The following ATAD2B variants were observed in gnomAD, a reference collection of about 807,000 sequenced individuals.
The protein encoded by ATAD2B is ATPase family AAA domain containing 2B, also known as ATPase family AAA domain-containing protein 2B.
ATAD2B carries 40 observed loss-of-function variants against 167.6 expected under a neutral mutation model. The observed-to-expected ratio is 0.24, with a 90% confidence interval of 0.19 to 0.31. ATAD2B has a LOEUF of 0.31. Among genes scored for constraint, ATAD2B ranks in the 10% least tolerant of loss-of-function variants. The probability of loss-of-function intolerance (pLI) is 1.00; values close to 1 mark genes in which losing one functional copy is unlikely to be tolerated. For missense variants in ATAD2B, 1,242 were observed against 1,757.2 expected, an observed-to-expected ratio of 0.71 and a Z score of 5.24; for synonymous variants, 579 against 596.5, an observed-to-expected ratio of 0.97 and a Z score of 0.43.
chr2:23,891,108 T>C (rs1699418498), intron 2 of ATAD2B, among the ~76,000 whole-genome samples: 1 of 149,206 alleles, frequency 6.7e-6, no homozygotes, highest in Non-Finnish European at 1.5e-5. Flanking sequence ...GCAACCACCA[T>C]CTCCCGGGTT....
the ATAD2B span, among the ~76,000 whole-genome samples, chr2:23,692,982 G>C: frequency 6.6e-6 from 1 of 152,166 alleles, no homozygotes; most frequent in Admixed American, 6.5e-5. Flanking sequence ...CCCAGGCTCT[G>C]AGCAGGGCTC....
At chr2:23,925,005 T>C (rs1704504438) in intron 1 of ATAD2B, among the ~76,000 whole-genome samples, 1 of 152,188 alleles carries the variant, frequency 6.6e-6, no homozygotes, top group Non-Finnish European at 1.5e-5. Context: ...GACTAGGCAT[T>C]CACATAGCAT....
chr2:23,686,627 C>T, the ATAD2B span, among the ~76,000 whole-genome samples: 1 of 152,052 alleles, frequency 6.6e-6, no homozygotes, highest in Non-Finnish European at 1.5e-5. Flanking sequence ...GGGAGGAGAG[C>T]AGGTCCACAG....
chr2:23,744,662 CAT>C (rs1204075184), downstream of ATAD2B, among the ~76,000 whole-genome samples: 2 of 152,254 alleles, frequency 1.3e-5, no homozygotes, highest in Admixed American at 6.5e-5. Flanking sequence ...TAATTTGTCA[CAT>C]GTTGCATAGC....
chr2:23,713,569 C>T, the ATAD2B span, among the ~76,000 whole-genome samples: 1 of 152,126 alleles, frequency 6.6e-6, no homozygotes, highest in Non-Finnish European at 1.5e-5. Flanking sequence ...GCATACTCCC[C>T]ATTCTCCCCA....
At chr2:23,776,668 T>C (rs528690796) in intron 22 of ATAD2B, among the ~76,000 whole-genome samples, 61 of 152,270 alleles carry the variant, frequency 4.0e-4, no homozygotes, top group Non-Finnish European at 5.4e-4. Flanking sequence ...TAGTGTCTTC[T>C]CCTCTGTGCT....
intron 13 of ATAD2B, among the ~76,000 whole-genome samples, chr2:23,844,323 A>G (rs1194023938): frequency 6.6e-6 from 1 of 152,090 alleles, no homozygotes; most frequent in Non-Finnish European, 1.5e-5. Flanking sequence ...AAAAAAACAC[A>G]CAACAAAACC....
At chr2:23,883,053 T>G (rs1698183270) in intron 6 of ATAD2B, among the ~76,000 whole-genome samples, 1 of 151,846 alleles carries the variant, frequency 6.6e-6, no homozygotes, top group Admixed American at 6.6e-5. Flanking sequence ...GCAGGAAGAC[T>G]ATTTGAGCTC....
intron 24 of ATAD2B, among the ~76,000 whole-genome samples, chr2:23,758,311 AT>A (rs980838253): frequency 6.6e-6 from 1 of 152,194 alleles, no homozygotes; most frequent in Non-Finnish European, 1.5e-5. Flanking sequence ...AGAATAAAAC[AT>A]TTTTTAATGT....
intron 1 of ATAD2B, among the ~76,000 whole-genome samples, chr2:23,905,308 A>T (rs1701341030): frequency 6.6e-6 from 1 of 152,198 alleles, no homozygotes; most frequent in Non-Finnish European, 1.5e-5. Flanking sequence ...ACTTAAGCCC[A>T]TGAGTTCAAG....
At chr2:23,784,776 G>C (rs867495125) in intron 21 of ATAD2B, among the ~76,000 whole-genome samples, 6 of 151,842 alleles carry the variant, frequency 4.0e-5, no homozygotes, top group Non-Finnish European at 8.8e-5. Flanking sequence ...AACACTATGG[G>C]GGGGGGGATG....
At chr2:23,685,835 A>AG in the ATAD2B span, among the ~76,000 whole-genome samples, 1 of 152,210 alleles carries the variant, frequency 6.6e-6, no homozygotes, top group East Asian at 1.9e-4. Context: ...CCTGGACAGC[A>AG]GGGGCCCGCA....
the ATAD2B span, chr2:23,703,427 C>T: frequency 7.2e-7 from 1 of 1,393,968 alleles, no homozygotes; most frequent in Non-Finnish European, 9.5e-7. Flanking sequence ...CGCATCCCTG[C>T]CTTGCTGATT....
chr2:23,705,320 G>A, the ATAD2B span, among the ~76,000 whole-genome samples: 2 of 152,098 alleles, frequency 1.3e-5, no homozygotes, highest in East Asian at 1.9e-4. Context: ...GTGAAACCCC[G>A]TCTCTACTAA....
intron 17 of ATAD2B, among the ~76,000 whole-genome samples, chr2:23,813,801 C>T (rs545668599): frequency 2.4e-4 from 37 of 151,910 alleles, no homozygotes; most frequent in African/African-American, 6.8e-4. Context: ...TGTTTAAAAA[C>T]GGAGGATTCA....
At chr2:23,717,929 A>C in the ATAD2B span, among the ~76,000 whole-genome samples, 1 of 152,220 alleles carries the variant, frequency 6.6e-6, no homozygotes, top group African/African-American at 2.4e-5. Context: ...ACTAGAAAGG[A>C]TGTAACAGTG....
chr2:23,881,825 G>A (rs193050986), intron 6 of ATAD2B, among the ~76,000 whole-genome samples: 1 of 151,952 alleles, frequency 6.6e-6, no homozygotes, highest in African/African-American at 2.4e-5. Flanking sequence ...CCAGGCTCAG[G>A]CGATTCGCCT....
intron 1 of ATAD2B, among the ~76,000 whole-genome samples, chr2:23,915,300 G>A (rs1264684444): frequency 1.3e-5 from 2 of 152,032 alleles, no homozygotes; most frequent in Admixed American, 6.6e-5. Flanking sequence ...ATAGAGGGTT[G>A]AGGGCATTAA....
chr2:23,792,030 C>T (rs1340715498), intron 19 of ATAD2B, among the ~76,000 whole-genome samples: 3 of 151,860 alleles, frequency 2.0e-5, no homozygotes, highest in Non-Finnish European at 2.9e-5. Flanking sequence ...TCCTCATCAA[C>T]ATTTGTTAAT....
Sources: allele counts gnomAD v4.1 joint callset (sites outside exome capture counted in the v4.1 genomes callset), GRCh38; gene constraint gnomAD v4.1.1; transcripts MANE v1.5; gene names NCBI Gene and HGNC (gene_info 2026-07-23, HGNC 2026-07-21).